Variants in UNC5C observed in about 807,000 individuals in gnomAD.
UNC5C encodes the protein unc-5 netrin receptor C.
In UNC5C, 47 loss-of-function variants were observed where a neutral mutation model predicts 99.8. The ratio of observed to expected loss-of-function variants is 0.47; its 90% confidence interval spans 0.37 to 0.60. UNC5C has a LOEUF of 0.60. UNC5C is among the 20% of genes least tolerant of loss of function. The probability of loss-of-function intolerance (pLI) is 0.00; values close to 1 mark genes in which losing one functional copy is unlikely to be tolerated. For missense variants in UNC5C, 1,062 were observed against 1,165.9 expected (o/e 0.91, Z 1.30); for synonymous variants, 487 against 452.2 (o/e 1.08, Z -0.98).
chr4:95,219,142 T>TG lies in UNC5C; in HGVS notation c.1471dup (p.Gln491ProfsTer3). On this transcript the variant is annotated frameshift_variant, in exon 9 of 16. Coordinates refer to ENST00000453304, the MANE Select transcript of UNC5C (RefSeq NM_003728.4). LOFTEE classifies it high-confidence loss of function. ...GGACGTAAACTCAGAGAGGTCATCT[T>TG]GGGGGGTGACAGCACCTGAGGTGTT... 1.9e-6 allele frequency: 3 copies of TG among 1,614,076 alleles called. No individual in the cohort carries two copies. The highest frequency in any genetic ancestry group is 2.5e-6 in the Non-Finnish European group (3 of 1,180,008).
At chr4:95,424,819 G>A (rs943789752) in intron 1 of UNC5C, among the ~76,000 whole-genome samples, 10 of 151,848 alleles carry the variant, frequency 6.6e-5, no homozygotes, top group South Asian at 2.1e-4. Flanking sequence ...CACCGCACCC[G>A]CCCCAGATTT....
chr4:95,399,017 A>C (rs1421923370), intron 1 of UNC5C, among the ~76,000 whole-genome samples: 1 of 152,194 alleles, frequency 6.6e-6, no homozygotes, highest in African/African-American at 2.4e-5. Context: ...TAGTCTCTTT[A>C]ATTCTCTACT....
chr4:95,190,144 G>A (rs945792667), intron 12 of UNC5C, among the ~76,000 whole-genome samples: 4 of 152,092 alleles, frequency 2.6e-5, no homozygotes, highest in Non-Finnish European at 5.9e-5. Context: ...ATATACACAC[G>A]AAATACTATG....
chr4:95,175,091 G>T (rs1327953145), intron 14 of UNC5C, among the ~76,000 whole-genome samples: 1 of 151,826 alleles, frequency 6.6e-6, no homozygotes, highest in East Asian at 1.9e-4. Flanking sequence ...TTTTCTATTT[G>T]CTTGGTAGGT....
chr4:95,185,660 AAAC>A (rs1283763818), intron 12 of UNC5C, among the ~76,000 whole-genome samples: 3 of 152,244 alleles, frequency 2.0e-5, no homozygotes, highest in African/African-American at 7.2e-5. Context: ...TGATAAAACC[AAAC>A]AACAAATAAA....
intron 1 of UNC5C, among the ~76,000 whole-genome samples, chr4:95,527,792 C>G (rs1324886396): frequency 6.6e-6 from 1 of 151,922 alleles, no homozygotes; most frequent in Non-Finnish European, 1.5e-5. Context: ...TTTTTTAATG[C>G]AATTGATGGA....
chr4:95,251,301 T>TG (rs1739718051), intron 4 of UNC5C, among the ~76,000 whole-genome samples: 1 of 152,220 alleles, frequency 6.6e-6, no homozygotes, highest in South Asian at 2.1e-4. Flanking sequence ...TTTTAAGTTT[T>TG]TCTACCAATT....
intron 1 of UNC5C, among the ~76,000 whole-genome samples, chr4:95,453,291 T>G (rs968182697): frequency 3.9e-5 from 6 of 152,130 alleles, no homozygotes; most frequent in African/African-American, 1.4e-4. Flanking sequence ...TAATTAAACA[T>G]AGCTCTTTAC....
At chr4:95,362,902 T>C (rs1331227392) in intron 1 of UNC5C, among the ~76,000 whole-genome samples, 1 of 151,862 alleles carries the variant, frequency 6.6e-6, no homozygotes, top group African/African-American at 2.4e-5. Flanking sequence ...AATACAAATG[T>C]GTTAAATAAT....
chr4:95,201,558 CCTAT>C (rs945746381), intron 12 of UNC5C, among the ~76,000 whole-genome samples: 3 of 152,072 alleles, frequency 2.0e-5, no homozygotes, highest in Non-Finnish European at 2.9e-5. Context: ...AGACAAAATT[CCTAT>C]CTATTATTCT....
At chr4:95,286,498 T>C (rs1420627502) in intron 3 of UNC5C, among the ~76,000 whole-genome samples, 2 of 152,176 alleles carry the variant, frequency 1.3e-5, no homozygotes, top group Non-Finnish European at 2.9e-5. Flanking sequence ...TTCTGCACGG[T>C]GGCTCTAAAT....
intron 1 of UNC5C, among the ~76,000 whole-genome samples, chr4:95,506,288 C>T (rs555046048): frequency 1.2e-3 from 175 of 152,114 alleles, no homozygotes; most frequent in African/African-American, 4.1e-3. Context: ...GGCAATAGTG[C>T]TATGACAGTA....
intron 2 of UNC5C, among the ~76,000 whole-genome samples, chr4:95,308,700 C>T (rs937410717): frequency 1.3e-4 from 15 of 113,196 alleles, no homozygotes; most frequent in Non-Finnish European, 2.3e-4. Flanking sequence ...TTCAGTGATT[C>T]GAGATTGTGC....
At chr4:95,239,661 TTCTC>T (rs534843547) in intron 7 of UNC5C, among the ~76,000 whole-genome samples, 94 of 152,046 alleles carry the variant, frequency 6.2e-4, no homozygotes, top group Non-Finnish European at 1.0e-3. Flanking sequence ...ACCACGTATT[TTCTC>T]TCTCTCTCTT....
intron 1 of UNC5C, among the ~76,000 whole-genome samples, chr4:95,343,475 C>T (rs939358173): frequency 3.3e-5 from 5 of 152,078 alleles, no homozygotes; most frequent in African/African-American, 1.2e-4. Context: ...CCACCTAATG[C>T]ACACATAGCT....
At chr4:95,331,362 GT>G (rs1743105048) in intron 2 of UNC5C, among the ~76,000 whole-genome samples, 1 of 152,022 alleles carries the variant, frequency 6.6e-6, no homozygotes, top group African/African-American at 2.4e-5. Context: ...ATTAAATGGT[GT>G]TCTATTTTTA....
chr4:95,446,091 A>G (rs975392837), intron 1 of UNC5C, among the ~76,000 whole-genome samples: 1 of 152,204 alleles, frequency 6.6e-6, no homozygotes, highest in Non-Finnish European at 1.5e-5. Flanking sequence ...GAGAGTGCCT[A>G]AAGAGACCGG....
chr4:95,283,493 C>T (rs1229039569), intron 3 of UNC5C, among the ~76,000 whole-genome samples: 3 of 152,202 alleles, frequency 2.0e-5, no homozygotes, highest in Non-Finnish European at 4.4e-5. Context: ...AGCACAGAAG[C>T]CGCTCATTTC....
chr4:95,390,658 A>T (rs1010180336), intron 1 of UNC5C, among the ~76,000 whole-genome samples: 2 of 152,174 alleles, frequency 1.3e-5, no homozygotes, highest in African/African-American at 4.8e-5. Context: ...AATTCTAAGA[A>T]GGTGACACTT....
Sources: gnomAD v4.1 joint callset for allele counts (sites outside exome capture counted in the v4.1 genomes callset) on GRCh38, gnomAD v4.1.1 for gene constraint, MANE v1.5 for transcripts, NCBI Gene and HGNC (gene_info 2026-07-23, HGNC 2026-07-21) for gene names.